The following NTS variants were observed in gnomAD, a reference collection of about 807,000 sequenced individuals.
The protein encoded by NTS is neurotensin, also known as neurotensin/neuromedin N.
In NTS, 20 loss-of-function variants were observed where a neutral mutation model predicts 19.5. The observed-to-expected ratio is 1.02, with a 90% CI of 0.72 to 1.49. The LOEUF (loss-of-function observed/expected upper bound fraction) is 1.49, where lower values mean the gene tolerates loss of function less well. NTS is among the 40% of genes most tolerant of loss of function. The pLI is 0.00. For missense variants in NTS, 215 were observed against 193.1 expected (o/e 1.11, Z -0.67); for synonymous variants, 71 against 63.3 (o/e 1.12, Z -0.58).
intron 2 of NTS, chr12:85,878,121 G>T: frequency 2.6e-6 from 1 of 388,886 alleles, no homozygotes; most frequent in South Asian, 6.2e-5. Context: ...ACACACATAA[G>T]TGCATGTATA....
At chr12:85,876,080 A>G (rs1185010855) in intron 1 of NTS, among the ~76,000 whole-genome samples, 1 of 148,044 alleles carries the variant, frequency 6.8e-6, no homozygotes, top group Admixed American at 6.8e-5. Flanking sequence ...AATTGAGGAT[A>G]CATAATTTTG....
At chr12:85,879,944 C>A (rs1444740075) in intron 3 of NTS, among the ~76,000 whole-genome samples, 3 of 147,084 alleles carry the variant, frequency 2.0e-5, no homozygotes, top group Non-Finnish European at 4.5e-5. Flanking sequence ...TAGGTTAGTG[C>A]AAAAGTAATT....
At chr12:85,875,663 A>G (rs552705567) in intron 1 of NTS, among the ~76,000 whole-genome samples, 1 of 152,144 alleles carries the variant, frequency 6.6e-6, no homozygotes, top group South Asian at 2.1e-4. Context: ...TTATTGATTA[A>G]GCACTGTGTT....
chr12:85,882,365 A>G lies in NTS; in HGVS notation c.503A>G (p.Tyr168Cys). ...CCCTACATACTCAAAAGAGATTCTT[A>G]CTATTACTGAGAGAATAAATCATTT... is the stretch of plus-strand genomic sequence containing the variant. ...RRPYILKRDS[Y>C]YY Residue 168 changes from tyrosine (Y) to cysteine (C), a missense_variant, in exon 4 of 4, where the codon TAC (tyrosine) becomes TGC (cysteine). By Grantham distance (194) the Tyr-to-Cys change is radical. Coordinates refer to ENST00000256010, the MANE Select transcript of NTS (RefSeq NM_006183.5). 3 of 1,565,732 alleles carry G rather than the reference A, an allele frequency of 1.9e-6. No individual in the cohort carries two copies. The highest frequency in any genetic ancestry group is 2.6e-6 in the Non-Finnish European group (3 of 1,162,800).
At chr12:85,879,267 T>TGTAAA (rs1881428137) in intron 3 of NTS, among the ~76,000 whole-genome samples, 3 of 51,138 alleles carry the variant, frequency 5.9e-5, no homozygotes, top group Non-Finnish European at 1.1e-4. Flanking sequence ...ATTTTATGTA[T>TGTAAA]ATTTTATGTA....
chr12:85,878,569 G>C lies in NTS; in HGVS notation c.360G>C (p.Glu120Asp), dbSNP rs1383328617. The C allele has an allele frequency of 6.4e-7, 1 of 1,574,622 alleles. No individual in the cohort carries two copies. Among genetic ancestry groups the C allele is most frequent in the Admixed American group, 1.8e-5 (1 of 56,928 alleles). ...ACAGCAGGGCTTTTCAACACTGGGAGGTATAGCAATAACAAAATATTAATA... is the reference window on the plus strand; with the variant it reads ...ACAGCAGGGCTTTTCAACACTGGGACGTATAGCAATAACAAAATATTAATA... ...ICHSRAFQHW[E>D]LIQEDILDTG... Residue 120 changes from glutamate to aspartate, a missense_variant and splice_region_variant, in exon 3 of 4, where the codon GAG (glutamate) becomes GAC (aspartate). By Grantham distance (45) the Glu-to-Asp change is conservative. Transcript: ENST00000256010.
At chr12:85,880,095 A>G (rs541994142) in intron 3 of NTS, among the ~76,000 whole-genome samples, 14 of 150,914 alleles carry the variant, frequency 9.3e-5, no homozygotes, top group Non-Finnish European at 1.9e-4. Flanking sequence ...TAATTTATAT[A>G]AAGGTATATA....
intron 1 of NTS, among the ~76,000 whole-genome samples, chr12:85,876,340 G>A (rs546898702): frequency 6.6e-6 from 1 of 151,936 alleles, no homozygotes; most frequent in South Asian, 2.1e-4. Context: ...TAAAATATGT[G>A]TTATACAATG....
In NTS at chr12:85,882,399, G is replaced by A. The variant is rs771395922; in HGVS notation, c.*24G>A. 1.4e-6 allele frequency: 2 copies of A among 1,457,406 alleles called. No individual in the cohort carries two copies. The highest frequency in any genetic ancestry group is 1.9e-6 in the Non-Finnish European group (2 of 1,080,710). The allele number at this position is 1,457,406 out of a possible 1,614,324, so 90.3% of individuals were successfully genotyped here. On this transcript the variant is annotated 3_prime_UTR_variant, in exon 4 of 4. Coordinates refer to ENST00000256010, the MANE Select transcript of NTS (RefSeq NM_006183.5). ...GAGAGAATAAATCATTTATTTACAT[G>A]TGATTGTGATTCATCATCCCTTAAT...
intron 1 of NTS, among the ~76,000 whole-genome samples, chr12:85,875,909 T>A (rs893205335): frequency 2.0e-5 from 3 of 151,998 alleles, no homozygotes; most frequent in Non-Finnish European, 4.4e-5. Flanking sequence ...TTTATTATTG[T>A]ATAGTATTTT....
intron 1 of NTS, 58 bp from the exon 2 acceptor site, chr12:85,876,582 A>G: frequency 9.9e-7 from 1 of 1,007,920 alleles, no homozygotes. Context: ...AAATCTGTAG[A>G]TTATGATATA....
At chr12:85,876,821 T>A (rs762381908) in intron 2 of NTS, 120 bp downstream of exon 2, 1 of 508,474 alleles carries the variant, frequency 2.0e-6, no homozygotes, top group Non-Finnish European at 3.3e-6. Flanking sequence ...TTGAGAGGCA[T>A]TTCCTTTTTG....
chr12:85,881,835 A>G (rs1163609914), intron 3 of NTS, among the ~76,000 whole-genome samples: 1 of 152,132 alleles, frequency 6.6e-6, no homozygotes, highest in African/African-American at 2.4e-5. Context: ...AATATATTAT[A>G]TATTTCATCC....
At chr12:85,877,454 A>G (rs1270928585) in intron 2 of NTS, among the ~76,000 whole-genome samples, 1 of 134,030 alleles carries the variant, frequency 7.5e-6, no homozygotes, top group Middle Eastern at 4.0e-3. Context: ...CCTGGGCCCT[A>G]TTACTCCTCT....
chr12:85,882,417 C>A lies in NTS; in HGVS notation c.*42C>A. 1.5e-6 allele frequency: 2 copies of A among 1,347,464 alleles called. No individual in the cohort carries two copies. Among genetic ancestry groups the A allele is most frequent in the Non-Finnish European group, 2.0e-6 (2 of 988,842 alleles). The allele number at this position is 1,347,464 out of a possible 1,614,324, so 83.5% of individuals were successfully genotyped here. Reference sequence around the variant, plus strand: ...TTTACATGTGATTGTGATTCATCATCCCTTAATTAAATATCAAATTATATT... The same window carrying A: ...TTTACATGTGATTGTGATTCATCATACCTTAATTAAATATCAAATTATATT... On this transcript the variant is annotated 3_prime_UTR_variant, in exon 4 of 4. Transcript: ENST00000256010.
At chr12:85,875,247 GAC>G (rs1462673693) in intron 1 of NTS, among the ~76,000 whole-genome samples, 1 of 152,044 alleles carries the variant, frequency 6.6e-6, no homozygotes, top group African/African-American at 2.4e-5. Flanking sequence ...TTGAAAATAA[GAC>G]TTAAATTGAA....
chr12:85,875,268 C>T (rs12296858), intron 1 of NTS, among the ~76,000 whole-genome samples: 4,623 of 152,092 alleles, frequency 0.03, 241 homozygotes, highest in African/African-American at 0.11. Context: ...AAAGGTATAA[C>T]ATGAAATATT....
intron 2 of NTS, among the ~76,000 whole-genome samples, chr12:85,877,713 T>C (rs1288005973): frequency 6.6e-6 from 1 of 152,110 alleles, no homozygotes; most frequent in Non-Finnish European, 1.5e-5. Context: ...CATTGTTTAG[T>C]ACTCAATCAG....
At chr12:85,877,525 G>C (rs1371794646) in intron 2 of NTS, among the ~76,000 whole-genome samples, 1 of 151,394 alleles carries the variant, frequency 6.6e-6, no homozygotes, top group African/African-American at 2.4e-5. Flanking sequence ...ACGTTCTGGG[G>C]TACATGGGCA....
Sources: gnomAD v4.1 joint callset for allele counts (sites outside exome capture counted in the v4.1 genomes callset) on GRCh38, gnomAD v4.1.1 for gene constraint, MANE v1.5 for transcripts, NCBI Gene and HGNC (gene_info 2026-07-23, HGNC 2026-07-21) for gene names.